GGNBP2: variants seen among roughly 807,000 people sequenced by gnomAD.
GGNBP2 encodes the protein gametogenetin-binding protein 2.
A neutral mutation model predicts 85.9 loss-of-function variants in GGNBP2; 10 were observed. The ratio of observed to expected loss-of-function variants is 0.12; its 90% confidence interval spans 0.07 to 0.20. The LOEUF (loss-of-function observed/expected upper bound fraction) is 0.20, where lower values mean the gene tolerates loss of function less well. Ranked by LOEUF, GGNBP2 falls within the 10% of genes least tolerant of loss-of-function variation. The pLI, the probability that GGNBP2 is intolerant of heterozygous loss-of-function variation, is 1.00. For synonymous variants in GGNBP2, 287 were observed against 285.7 expected (o/e 1.00, Z -0.05); for missense variants, 595 against 857.8 (o/e 0.69, Z 3.83).
chr17:36,546,196 G>A (rs1177273856), intron 2 of GGNBP2: 2 of 386,840 alleles, frequency 5.2e-6, no homozygotes. Flanking sequence ...TTAATTACCT[G>A]GTAATGTCGC....
At chr17:36,589,161 ATT>A (rs754825216) in intron 13 of GGNBP2, 45 bp from the exon 14 acceptor site, 1 of 1,375,966 alleles carries the variant, frequency 7.3e-7, no homozygotes, top group Non-Finnish European at 1.0e-6. Context: ...ATTACATAAC[ATT>A]TTGCATTCTT....
chr17:36,575,944 G>C (rs2074577184), intron 6 of GGNBP2, among the ~76,000 whole-genome samples: 1 of 150,648 alleles, frequency 6.6e-6, no homozygotes, highest in African/African-American at 2.4e-5. Flanking sequence ...ACCGCGCCCA[G>C]CCCATATCTT....
Position 36,545,729 on chromosome 17 carries a change from C to A in GGNBP2, c.5C>A (p.Ala2Glu). The stretch of plus-strand genomic sequence containing the variant: ...GCAACGGCAGCGTCGGGGACGATGG[C>A]GCGACTCGTGGCAGTGTGCAGGGAC... M[A>E]RLVAVCRDGE... Residue 2 changes from alanine to glutamate, a missense_variant, in exon 2 of 14, where the codon GCG becomes GAG. Physicochemically the swap from Ala to Glu is moderately radical, Grantham distance 107. This residue lies in a region of GGNBP2 where 216 missense variants were observed against 293.4 expected (regional missense o/e 0.74). Transcript: ENST00000613102. 6.4e-7 allele frequency: 1 copy of A among 1,567,514 alleles called. No individual in the cohort carries two copies.
At chr17:36,548,615 CAAAAAAAAAAAAAAAAAAAAA>C (rs71159614) in intron 2 of GGNBP2, among the ~76,000 whole-genome samples, 1,292 of 23,732 alleles carry the variant, frequency 0.054, 35 homozygotes, top group South Asian at 0.18. Context: ...GACTCTGTCT[CAAAAAAAAAAAAAAAAAAAAA>C]AAAAAAAAAA....
chr17:36,551,502 T>C (rs1599498000), intron 2 of GGNBP2, among the ~76,000 whole-genome samples: 2 of 152,018 alleles, frequency 1.3e-5, no homozygotes, highest in Middle Eastern at 3.4e-3. Flanking sequence ...CCGGCTTCTT[T>C]ATTGACTTCT....
rs10544073 is a variant in GGNBP2, at chr17:36,556,751, C to CTTTTTTTTTTTTT, written c.175-315_175-303dup. ...AAAAAAAAGGTACAGCTGTATTGTGCTTTTTTTTTTTTTTTTTTTTTTTTT... is the reference window on the plus strand; with the variant it reads ...AAAAAAAAGGTACAGCTGTATTGTGCTTTTTTTTTTTTTTTTTTTTTTTTTTTTTTTTTTTTTT... On this transcript the variant is annotated intron_variant, in intron 3 of 13. Coordinates refer to ENST00000613102, the MANE Select transcript of GGNBP2 (RefSeq NM_024835.5). 3.8e-5 allele frequency among the ~76,000 whole-genome samples: 2 copies of CTTTTTTTTTTTTT among 52,818 alleles called. 1 individual carries two copies. Among genetic ancestry groups the CTTTTTTTTTTTTT allele is most frequent in the African/African-American group, 1.3e-4 (2 of 15,848 alleles). The allele number at this position is 52,818 out of a possible 152,430, so 34.7% of individuals were successfully genotyped here. A position where few individuals can be genotyped will look rare whatever the true frequency, so the allele number is the denominator to read the frequency against.
intron 9 of GGNBP2, among the ~76,000 whole-genome samples, chr17:36,584,715 A>G (rs1269073941): frequency 6.6e-6 from 1 of 152,220 alleles, no homozygotes; most frequent in East Asian, 1.9e-4. Flanking sequence ...TTGGGAAGCC[A>G]TGGCAGAAGG....
Position 36,545,606 on chromosome 17 carries a change from T to A in GGNBP2, c.-106-13T>A. 1 of 737,732 alleles carries A rather than the reference T, an allele frequency of 1.4e-6. No homozygotes were observed. The highest frequency in any genetic ancestry group is 2.3e-6 in the Non-Finnish European group (1 of 434,358). 45.7% of individuals were successfully genotyped at this position (737,732 alleles called of 1,614,324 possible). A position where few individuals can be genotyped will look rare whatever the true frequency, so the allele number is the denominator to read the frequency against. ...CGGCGGGTGCTTACGCTCGCGGGGT[T>A]TGGCTGTTGCAGGCAGGAGCTGGGA... is the stretch of plus-strand genomic sequence containing the variant. On this transcript the variant is annotated splice_polypyrimidine_tract_variant and intron_variant, in intron 1 of 13. Transcript: ENST00000613102.
Position 36,581,661 on chromosome 17 carries a change from A to G in GGNBP2, c.1215+123A>G. 1.2e-5 allele frequency: 7 copies of G among 576,946 alleles called. No homozygotes were observed. In the South Asian group the frequency reaches 2.1e-4, roughly 17 times the overall value. The allele number at this position is 576,946 out of a possible 1,614,324, so 35.7% of individuals were successfully genotyped here. A position where few individuals can be genotyped will look rare whatever the true frequency, so the allele number is the denominator to read the frequency against. On this transcript the variant is annotated intron_variant, in intron 9 of 13. Coordinates refer to ENST00000613102, the MANE Select transcript of GGNBP2 (RefSeq NM_024835.5). Reference sequence around the variant, plus strand: ...TTGGGAGGCCCAGGGTGGAGGTATCACTTGAGCCTAGGAGTTTGGGACCAG... The same window carrying G: ...TTGGGAGGCCCAGGGTGGAGGTATCGCTTGAGCCTAGGAGTTTGGGACCAG...
At chr17:36,562,548 TC>T (rs2074427909) in intron 5 of GGNBP2, among the ~76,000 whole-genome samples, 1 of 151,632 alleles carries the variant, frequency 6.6e-6, no homozygotes, top group African/African-American at 2.4e-5. Flanking sequence ...GACCTGAACT[TC>T]CGAGTTACAC....
chr17:36,567,819 A>G (rs1555606094), intron 6 of GGNBP2, 43 bp downstream of exon 6: 5 of 1,025,720 alleles, frequency 4.9e-6, no homozygotes, highest in African/African-American at 3.2e-5. Context: ...AAGGTGCCTT[A>G]TGTGTCAGTC....
chr17:36,572,556 G>A (rs1555606988), intron 6 of GGNBP2, among the ~76,000 whole-genome samples: 3 of 152,044 alleles, frequency 2.0e-5, no homozygotes, highest in Non-Finnish European at 4.4e-5. Context: ...ATGCGTGGTG[G>A]CACACACCTG....
At position 36,554,844 on chromosome 17, in the gene GGNBP2, G is replaced by A. The variant is rs1469388061; in HGVS notation, c.118G>A (p.Val40Met). ...LTMVMEFPDNVLNLDGHQNNG... is the reference protein window; with the variant it reads ...LTMVMEFPDNMLNLDGHQNNG... ...GATGGTGATGGAATTTCCTGATAAT[G>A]TGTTAAATCTCGATGGACATCAGAA... The change falls in exon 3 of 14, where the codon GTG becomes ATG. Residue 40 changes from valine to methionine, a missense_variant. Coordinates refer to ENST00000613102, the MANE Select transcript of GGNBP2 (RefSeq NM_024835.5). 1.2e-6 allele frequency: 2 copies of A among 1,608,484 alleles called. No homozygotes were observed. The highest frequency in any genetic ancestry group is 4.5e-5 in the East Asian group (2 of 44,870).
chr17:36,546,694 G>A (rs2074258556), intron 2 of GGNBP2: 1 of 152,164 alleles, frequency 6.6e-6, no homozygotes, highest in Non-Finnish European at 1.5e-5. Flanking sequence ...AACCTTTTCC[G>A]AATATCTTTT....
chr17:36,558,653 G>T (rs1202079557), intron 4 of GGNBP2, among the ~76,000 whole-genome samples: 1 of 151,188 alleles, frequency 6.6e-6, no homozygotes. Flanking sequence ...ACAGGGTTTC[G>T]CTATGTTGGC....
chr17:36,585,355 G>A lies in GGNBP2; in HGVS notation c.1271G>A (p.Gly424Asp). The A allele has an allele frequency of 1.2e-6, 2 of 1,612,728 alleles. No individual in the cohort carries two copies. The highest frequency in any genetic ancestry group is 1.1e-5 in the South Asian group (1 of 90,940). Reference protein sequence around the residue: ...SCKACGSTEDGNTCVEVIVTN... With the variant: ...SCKACGSTEDDNTCVEVIVTN... ...AAAGCCTGTGGCAGCACTGAAGATG[G>A]TAATACTTGTGTAGAAGTAATTGTT... The change falls in exon 10 of 14, where the codon GGT becomes GAT. Residue 424 changes from glycine (G) to aspartate (D), a missense_variant. This residue lies in a region of GGNBP2 where 85 missense variants were observed against 92.6 expected (regional missense o/e 0.92). Coordinates refer to ENST00000613102, the MANE Select transcript of GGNBP2 (RefSeq NM_024835.5).
At chr17:36,579,677 G>A (rs1440198647) in intron 8 of GGNBP2, among the ~76,000 whole-genome samples, 3 of 152,188 alleles carry the variant, frequency 2.0e-5, no homozygotes, top group African/African-American at 7.2e-5. Context: ...CTTTCTCAGA[G>A]TAGAAAACTG....
intron 6 of GGNBP2, chr17:36,575,068 A>C: frequency 2.4e-5 from 25 of 1,035,550 alleles, no homozygotes; most frequent in Non-Finnish European, 3.0e-5. Flanking sequence ...TAGTGATCTC[A>C]GATTCCTTCA....
intron 2 of GGNBP2, chr17:36,546,028 C>T (rs1363643713): frequency 1.6e-5 from 8 of 514,262 alleles, no homozygotes; most frequent in Non-Finnish European, 2.4e-5. Context: ...CGTACGCACT[C>T]CCTCTCTCCA....
Sources: allele counts gnomAD v4.1 joint callset (sites outside exome capture counted in the v4.1 genomes callset), GRCh38; gene constraint gnomAD v4.1.1; regional missense constraint gnomAD v4.1.1; transcripts MANE v1.5; gene names NCBI Gene and HGNC (gene_info 2026-07-23, HGNC 2026-07-21).